GPAT4: variants seen among roughly 807,000 people sequenced by gnomAD.
The protein encoded by GPAT4 is 1-AGP acyltransferase 6.
Under a neutral mutation model 58.0 loss-of-function variants are expected in GPAT4, and 17 were observed. The ratio of observed to expected loss-of-function variants is 0.29; its 90% CI spans 0.20 to 0.44. The LOEUF is 0.44. Ranked by LOEUF, GPAT4 falls within the 20% of genes least tolerant of loss-of-function variation. The pLI, the probability that GPAT4 is intolerant of heterozygous loss-of-function variation, is 1.00. For missense variants in GPAT4, 377 were observed against 574.5 expected, an observed-to-expected ratio of 0.66 and a Z score of 3.51; for synonymous variants, 204 against 210.1, an observed-to-expected ratio of 0.97 and a Z score of 0.25.
chr8:41,612,822 A>C (rs1256633896), intron 7 of GPAT4, 23 bp from the exon 8 acceptor site: 2 of 1,605,578 alleles, frequency 1.2e-6, no homozygotes, highest in African/African-American at 2.7e-5. Context: ...TTCACTACTA[A>C]TGAGTCCTGT....
chr8:41,609,631 T>G lies in GPAT4; in HGVS notation c.236-24T>G, dbSNP rs368105919. On this transcript the variant is annotated intron_variant, in intron 3 of 12. Transcript: ENST00000396987. ...ACGTGCTCTCCCCCAGCGTGCTGCTTGACAGGGACACATTCTTTTGCAGGA... is the reference window on the plus strand; with the variant it reads ...ACGTGCTCTCCCCCAGCGTGCTGCTGGACAGGGACACATTCTTTTGCAGGA... 10 of 1,607,974 alleles carry G rather than the reference T, an allele frequency of 6.2e-6. No homozygotes were observed. In the African/African-American group the frequency reaches 1.3e-4, roughly 21 times the overall value.
At chr8:41,604,431 A>G (rs747904256) in intron 2 of GPAT4, among the ~76,000 whole-genome samples, 1 of 152,214 alleles carries the variant, frequency 6.6e-6, no homozygotes, top group Non-Finnish European at 1.5e-5. Context: ...GGTCCTGTTC[A>G]TGCTGAGTCA....
rs1473252915 is a variant in GPAT4 at position 41,615,068 on chromosome 8, AC to A, written c.1053+21del. ...ATCAAGGTATAAGACCTCCGATGGT[AC>A]ACACTGTCATTACTGGAGCTGCTGT... On this transcript the variant is annotated intron_variant, in intron 10 of 12. Transcript: ENST00000396987. 1 of 1,592,894 alleles carries A rather than the reference AC, an allele frequency of 6.3e-7. No homozygotes were observed. The highest frequency in any genetic ancestry group is 1.7e-5 in the Admixed American group (1 of 59,878).
intron 1 of GPAT4, among the ~76,000 whole-genome samples, chr8:41,581,624 A>AC (rs747892021): frequency 2.0e-4 from 22 of 107,354 alleles, no homozygotes; most frequent in Non-Finnish European, 3.3e-4. Context: ...GCCTTTGTTG[A>AC]CTTTTTTTTT....
At chr8:41,611,815 A>G (rs1803453365) in intron 5 of GPAT4, 88 bp from the exon 6 acceptor site, 3 of 1,254,988 alleles carry the variant, frequency 2.4e-6, no homozygotes, top group South Asian at 1.3e-5. Context: ...TTGCTGTTAT[A>G]AAGGACTGCT....
intron 2 of GPAT4, among the ~76,000 whole-genome samples, chr8:41,603,986 T>G (rs1803182640): frequency 6.6e-6 from 1 of 151,932 alleles, no homozygotes; most frequent in Non-Finnish European, 1.5e-5. Flanking sequence ...AGACAGACAT[T>G]AGAAAATTTT....
At chr8:41,616,851 A>T (rs539216326) in intron 10 of GPAT4, among the ~76,000 whole-genome samples, 37 of 152,304 alleles carry the variant, frequency 2.4e-4, no homozygotes, top group Admixed American at 2.2e-3. Flanking sequence ...TTTATTGGTA[A>T]TCAAACTTGG....
At chr8:41,602,630 C>T (rs1803135440) in intron 2 of GPAT4, among the ~76,000 whole-genome samples, 2 of 152,136 alleles carry the variant, frequency 1.3e-5, no homozygotes, top group Admixed American at 6.5e-5. Context: ...GGCTTCAGGT[C>T]TTGGGAAGTC....
At chr8:41,586,075 T>C (rs1168838374) in intron 1 of GPAT4, among the ~76,000 whole-genome samples, 1 of 152,252 alleles carries the variant, frequency 6.6e-6, no homozygotes, top group African/African-American at 2.4e-5. Flanking sequence ...ACGTTTTAGC[T>C]ATCACTCTTG....
chr8:41,585,081 C>G (rs144377419), intron 1 of GPAT4, among the ~76,000 whole-genome samples: 94 of 152,268 alleles, frequency 6.2e-4, no homozygotes, highest in Non-Finnish European at 1.2e-3. Context: ...ATGCAGTTTC[C>G]CCACTAAGCA....
chr8:41,595,987 C>T (rs61682284), intron 1 of GPAT4, among the ~76,000 whole-genome samples: 8,865 of 152,130 alleles, frequency 0.058, 336 homozygotes, highest in African/African-American at 0.093. Flanking sequence ...CTGGTCTAGG[C>T]GCCCTGGCTT....
In GPAT4 at chr8:41,598,687, C is replaced by T. The variant is rs2150491913; in HGVS notation, c.-453C>T. ...AGGAGTTATCAGGATTTTTCTGGCA[C>T]CAAGTTTAATTCTTCTTCGTACTTC... On this transcript the variant is annotated 5_prime_UTR_variant, in exon 2 of 13. Coordinates refer to ENST00000396987, the MANE Select transcript of GPAT4 (RefSeq NM_178819.4). 1 of 156,244 alleles carries T rather than the reference C, an allele frequency of 6.4e-6. No homozygotes were observed. The highest frequency in any genetic ancestry group is 2.1e-4 in the South Asian group (1 of 4,878). The allele number at this position is 156,244 out of a possible 1,614,324, so 9.7% of individuals were successfully genotyped here.
chr8:41,606,988 G>A (rs979671403), intron 2 of GPAT4, among the ~76,000 whole-genome samples: 2 of 152,168 alleles, frequency 1.3e-5, no homozygotes, highest in Non-Finnish European at 2.9e-5. Flanking sequence ...CAGTTTCTCC[G>A]TTATTCTTGC....
At chr8:41,617,652 C>T (rs1803633699) in intron 10 of GPAT4, among the ~76,000 whole-genome samples, 1 of 152,206 alleles carries the variant, frequency 6.6e-6, no homozygotes, top group African/African-American at 2.4e-5. Flanking sequence ...TCAACCCTAG[C>T]CCATCCCACA....
At chr8:41,595,421 C>G (rs1802903969) in intron 1 of GPAT4, among the ~76,000 whole-genome samples, 1 of 128,846 alleles carries the variant, frequency 7.8e-6, no homozygotes, top group African/African-American at 2.9e-5. Flanking sequence ...TATTTTTCTA[C>G]TTTCTTCTGT....
At chr8:41,612,440 G>A (rs1213978673) in intron 7 of GPAT4, among the ~76,000 whole-genome samples, 167 bp downstream of exon 7, 1 of 152,170 alleles carries the variant, frequency 6.6e-6, no homozygotes, top group Non-Finnish European at 1.5e-5. Context: ...GATACCCTGG[G>A]CAGAGTGATT....
At chr8:41,593,769 A>T (rs1585654998) in intron 1 of GPAT4, among the ~76,000 whole-genome samples, 1 of 152,208 alleles carries the variant, frequency 6.6e-6, no homozygotes, top group East Asian at 1.9e-4. Flanking sequence ...TACATGTGCT[A>T]AAAGACTTTT....
chr8:41,610,924 T>C, intron 5 of GPAT4, 114 bp downstream of exon 5: 1 of 1,132,120 alleles, frequency 8.8e-7, no homozygotes, highest in South Asian at 1.8e-5. Flanking sequence ...GAATCTTAGA[T>C]GGATTAAATA....
chr8:41,603,438 A>C (rs1678808684), intron 2 of GPAT4, among the ~76,000 whole-genome samples: 1 of 151,606 alleles, frequency 6.6e-6, no homozygotes, highest in South Asian at 2.1e-4. Context: ...AAGCAGAAGA[A>C]TCGCTTGAAC....
Sources: gnomAD v4.1 joint callset for allele counts (sites outside exome capture counted in the v4.1 genomes callset) on GRCh38, gnomAD v4.1.1 for gene constraint, MANE v1.5 for transcripts, NCBI Gene and HGNC (gene_info 2026-07-23, HGNC 2026-07-21) for gene names.